The following APLF variants were observed in gnomAD, a reference collection of about 807,000 sequenced individuals.
The protein encoded by APLF is aprataxin and PNK-like factor.
In APLF, 61 loss-of-function variants were observed where a neutral mutation model predicts 55.6. That is an observed-to-expected ratio of 1.10 (90% confidence interval 0.89 to 1.36). The LOEUF is 1.36. Among genes scored for constraint, APLF ranks in the 40% most tolerant of loss-of-function variants. The pLI, the probability that APLF is intolerant of heterozygous loss-of-function variation, is 0.00. For synonymous variants in APLF, 207 were observed against 214.8 expected (o/e 0.96, Z 0.32); for missense variants, 611 against 602.5 (o/e 1.01, Z -0.15).
Position 68,490,242 on chromosome 2 carries a change from G to A in APLF, c.149G>A (p.Gly50Asp), listed in dbSNP as rs1207750844. The A allele has an allele frequency of 2.5e-6, 4 of 1,612,170 alleles. No homozygotes were observed. In the Admixed American group the frequency reaches 6.7e-5, roughly 27 times the overall value. Residue 50 changes from glycine to aspartate, a missense_variant, in exon 2 of 10, where the codon GGT (glycine) becomes GAT (aspartate). Gly to Asp is a moderately conservative substitution (Grantham distance 94). Transcript: ENST00000303795. ...CATGCCATTCTTGAGGTGGCAGGTG[G>A]TCAGCTGCGAATCAAACCGGTAAAT... ...RRHAILEVAG[G>D]QLRIKPIHTN...
Position 68,486,010 on chromosome 2 carries a change from A to G in APLF, c.97-4180A>G, listed in dbSNP as rs931123300. On this transcript the variant is annotated intron_variant, in intron 1 of 9. Coordinates refer to ENST00000303795, the MANE Select transcript of APLF (RefSeq NM_173545.3). ...TTTTACTTTACGTAGATTTGTATGGAATCATGGATTATTTTGGGATTCAAT... is the reference window on the plus strand; with the variant it reads ...TTTTACTTTACGTAGATTTGTATGGGATCATGGATTATTTTGGGATTCAAT... 2.0e-5 allele frequency among the ~76,000 whole-genome samples: 3 copies of G among 151,898 alleles called. No individual in the cohort carries two copies. The East Asian group carries it at 5.8e-4, about 30-fold the overall frequency.
chr2:68,510,174 A>T (rs1014875300), intron 3 of APLF, among the ~76,000 whole-genome samples: 5 of 151,926 alleles, frequency 3.3e-5, no homozygotes, highest in African/African-American at 1.2e-4. Context: ...ATATGTAACA[A>T]ACCTGCATGT....
Position 68,467,608 on chromosome 2 carries a change from G to A in APLF, c.-124G>A. On this transcript the variant is annotated 5_prime_UTR_variant, in exon 1 of 10. Coordinates refer to ENST00000303795, the MANE Select transcript of APLF (RefSeq NM_173545.3). Reference sequence around the variant, plus strand: ...CTGAGAGGACCGGCGCAGCCGCGGGGAGCCTTTGAGGCCCTCCCTCGGTGT... The same window carrying A: ...CTGAGAGGACCGGCGCAGCCGCGGGAAGCCTTTGAGGCCCTCCCTCGGTGT... 2 of 747,632 alleles carry A rather than the reference G, an allele frequency of 2.7e-6. No individual in the cohort carries two copies. Among genetic ancestry groups the A allele is most frequent in the Non-Finnish European group, 3.7e-6 (2 of 544,436 alleles). The allele number at this position is 747,632 out of a possible 1,614,324, so 46.3% of individuals were successfully genotyped here.
In APLF at chr2:68,513,547, G is replaced by A; in HGVS notation, c.490-1G>A. Reference sequence around the variant, plus strand: ...TTAGTAATTTATAGGTGTCTTTTTAGTCTTTCCTAGGTGAAAATAGAGACT... The same window carrying A: ...TTAGTAATTTATAGGTGTCTTTTTAATCTTTCCTAGGTGAAAATAGAGACT... On this transcript the variant is annotated splice_acceptor_variant, in intron 4 of 9. Coordinates refer to ENST00000303795, the MANE Select transcript of APLF (RefSeq NM_173545.3). LOFTEE classifies it high-confidence loss of function. 6.2e-7 allele frequency: 1 copy of A among 1,608,734 alleles called. No homozygotes were observed. The highest frequency in any genetic ancestry group is 8.5e-7 in the Non-Finnish European group (1 of 1,177,356).
At chr2:68,497,325 T>C (rs1676578201) in intron 2 of APLF, among the ~76,000 whole-genome samples, 2 of 152,178 alleles carry the variant, frequency 1.3e-5, no homozygotes. Flanking sequence ...TCTCCAGTGT[T>C]GGAGGAGTGG....
chr2:68,574,687 TAAAC>T (rs1383492662), intron 9 of APLF, among the ~76,000 whole-genome samples: 2 of 152,182 alleles, frequency 1.3e-5, no homozygotes, highest in Non-Finnish European at 2.9e-5. Flanking sequence ...TTTTTCTGAG[TAAAC>T]AAACAAAATT....
chr2:68,480,665 T>C (rs1429391507), intron 1 of APLF, among the ~76,000 whole-genome samples: 1 of 152,100 alleles, frequency 6.6e-6, no homozygotes, highest in Non-Finnish European at 1.5e-5. Flanking sequence ...ATAAGAGTGG[T>C]AATAGTGGGG....
chr2:68,504,890 G>A (rs1378801736), intron 3 of APLF, among the ~76,000 whole-genome samples: 1 of 152,060 alleles, frequency 6.6e-6, no homozygotes, highest in African/African-American at 2.4e-5. Flanking sequence ...TTGTTTCCAA[G>A]GGGATTGACT....
rs984548330 is a variant in APLF, at chr2:68,529,967, G to A, written c.804+3725G>A. ...CTCTGTGCCGCCTGGAGCCAGGCCC[G>A]CCTTCTCCATGGCTGCTGTGGCCTC... On this transcript the variant is annotated intron_variant, in intron 6 of 9. Transcript: ENST00000303795. The surrounding 1 kb of genome is among the most constrained non-coding windows in gnomAD (Gnocchi z 4.4). 1.6e-4 allele frequency among the ~76,000 whole-genome samples: 24 copies of A among 152,348 alleles called. No individual in the cohort carries two copies. The highest frequency in any genetic ancestry group is 5.8e-4 in the African/African-American group (24 of 41,580).
At chr2:68,510,666 T>TC (rs1414929132) in intron 3 of APLF, among the ~76,000 whole-genome samples, 2 of 151,852 alleles carry the variant, frequency 1.3e-5, no homozygotes, top group Admixed American at 1.3e-4. Context: ...GCATTTCCAC[T>TC]CCTATGTATA....
intron 8 of APLF, among the ~76,000 whole-genome samples, chr2:68,557,736 A>G (rs1671054455): frequency 6.6e-6 from 1 of 152,076 alleles, no homozygotes; most frequent in Non-Finnish European, 1.5e-5. Context: ...ACATGGTGAA[A>G]CCCCATTTCT....
chr2:68,525,975 CTTTTTCT>C lies in APLF; in HGVS notation c.623-73_623-67del, dbSNP rs1214671266. 3.7e-6 allele frequency: 5 copies of C among 1,342,384 alleles called. No individual in the cohort carries two copies. In the East Asian group the frequency reaches 1.3e-4, roughly 34 times the overall value. The allele number at this position is 1,342,384 out of a possible 1,614,324, so 83.2% of individuals were successfully genotyped here. The stretch of plus-strand genomic sequence containing the variant: ...ATGTTGGCCAGGCTGGTCTCGAATC[CTTTTTCT>C]TTTTTCTTTTTTTGATATGGATTAT... On this transcript the variant is annotated intron_variant, in intron 5 of 9. Transcript: ENST00000303795.
intron 6 of APLF, chr2:68,535,351 A>G: frequency 2.4e-6 from 1 of 423,176 alleles, no homozygotes; most frequent in Non-Finnish European, 4.8e-6. Context: ...CATTTGCCTC[A>G]TCCTTCGACC....
At chr2:68,510,523 A>G (rs1281184206) in intron 3 of APLF, among the ~76,000 whole-genome samples, 2 of 151,902 alleles carry the variant, frequency 1.3e-5, no homozygotes, top group African/African-American at 4.8e-5. Flanking sequence ...AAAATATAAT[A>G]ACAAGTGTTG....
At chr2:68,483,184 G>A (rs1039077587) in intron 1 of APLF, among the ~76,000 whole-genome samples, 1 of 152,134 alleles carries the variant, frequency 6.6e-6, no homozygotes, top group African/African-American at 2.4e-5. Context: ...GTCATGCAAG[G>A]GTGGGGAGCG....
At chr2:68,516,692 G>GT (rs1050613100) in intron 5 of APLF, among the ~76,000 whole-genome samples, 5 of 149,486 alleles carry the variant, frequency 3.3e-5, no homozygotes, top group African/African-American at 1.2e-4. Context: ...ACAATGTTTG[G>GT]TTTTTCATTC....
Position 68,538,122 on chromosome 2 carries a change from C to T in APLF, c.1055C>T (p.Ser352Phe). 6.2e-7 allele frequency: 1 copy of T among 1,614,136 alleles called. No individual in the cohort carries two copies. Among genetic ancestry groups the T allele is most frequent in the Non-Finnish European group, 8.5e-7 (1 of 1,180,004 alleles). ...GSHSESSSNP[S>F]NPETLHAKAT... is the part of the protein sequence containing the mutation. ...CATTCTGAGTCCAGCTCTAATCCCTCCAATCCTGAAACTTTGCATGCAAAG... is the reference window on the plus strand; with the variant it reads ...CATTCTGAGTCCAGCTCTAATCCCTTCAATCCTGAAACTTTGCATGCAAAG... The change falls in exon 7 of 10, where the codon TCC becomes TTC. Residue 352 changes from serine (S) to phenylalanine (F), a missense_variant. Physicochemically the swap from Ser to Phe is radical, Grantham distance 155. Coordinates refer to ENST00000303795, the MANE Select transcript of APLF (RefSeq NM_173545.3).
chr2:68,515,292 A>AATATATAT (rs67524979), intron 5 of APLF, among the ~76,000 whole-genome samples: 5 of 148,208 alleles, frequency 3.4e-5, no homozygotes, highest in Admixed American at 1.4e-4. Context: ...CTTCATGTGT[A>AATATATAT]ATATATATAT....
At chr2:68,563,490 T>A in intron 8 of APLF, 1 of 497,148 alleles carries the variant, frequency 2.0e-6, no homozygotes, top group Non-Finnish European at 2.6e-6. Context: ...AACTACCTTC[T>A]GAAACTTTTA....
Sources: gnomAD v4.1 joint callset for allele counts (sites outside exome capture counted in the v4.1 genomes callset) on GRCh38, gnomAD v4.1.1 for gene constraint, Gnocchi (gnomAD v3.1) non-coding constraint, MANE v1.5 for transcripts, NCBI Gene and HGNC (gene_info 2026-07-23, HGNC 2026-07-21) for gene names.